Variants in THADA observed in about 807,000 individuals in gnomAD.
THADA encodes the protein THADA armadillo repeat containing.
THADA carries 213 observed loss-of-function variants against 219.8 expected under a neutral mutation model. That is an observed-to-expected ratio of 0.97 (90% CI 0.87 to 1.09). The LOEUF is 1.09. THADA is among the 50% of genes least tolerant of loss of function. The pLI is 0.00. For synonymous variants in THADA, 1,018 were observed against 828.9 expected (o/e 1.23, Z -3.92); for missense variants, 2,956 against 2,311.3 (o/e 1.28, Z -5.72).
chr2:43,297,759 T>C (rs1247280198), intron 31 of THADA, among the ~76,000 whole-genome samples: 1 of 100,370 alleles, frequency 1.0e-5, no homozygotes, highest in Non-Finnish European at 1.9e-5. Flanking sequence ...AGCCGCCCCG[T>C]CCGGGAGGGA....
chr2:43,353,632 C>G (rs745594425), intron 29 of THADA, among the ~76,000 whole-genome samples: 1 of 152,048 alleles, frequency 6.6e-6, no homozygotes, highest in African/African-American at 2.4e-5. Flanking sequence ...TTTTCCCAAT[C>G]TGTAGGTTGC....
chr2:43,304,506 A>G (rs1558550999), intron 31 of THADA, among the ~76,000 whole-genome samples: 1 of 152,238 alleles, frequency 6.6e-6, no homozygotes, highest in Admixed American at 6.5e-5. Flanking sequence ...TTCTGTCTGC[A>G]CTTGCACATG....
At chr2:43,564,020 T>G (rs1698384520) in intron 15 of THADA, 1 of 152,238 alleles carries the variant, frequency 6.6e-6, no homozygotes, top group South Asian at 2.1e-4. Flanking sequence ...TTAAATGTAT[T>G]AAATTACTCT....
chr2:43,259,977 G>A lies in THADA; in HGVS notation c.5296+19788C>T, dbSNP rs193055554. On this transcript the variant is annotated intron_variant, in intron 36 of 37. Coordinates refer to ENST00000405975, the MANE Select transcript of THADA (RefSeq NM_022065.5). ...TGTTCCTTCACAGCTCTCACCCCAG[G>A]TGACAGCAATCTTTTTTTTCTTTTG... is the stretch of plus-strand genomic sequence containing the variant. 2.8e-3 allele frequency among the ~76,000 whole-genome samples: 420 copies of A among 152,244 alleles called. 2 individuals are homozygous for A. Among genetic ancestry groups the A allele is most frequent in the Non-Finnish European group, 3.6e-3 (242 of 68,018 alleles).
At chr2:43,515,233 A>AT (rs1691441179) in intron 22 of THADA, among the ~76,000 whole-genome samples, 1 of 58,866 alleles carries the variant, frequency 1.7e-5, no homozygotes, top group African/African-American at 6.8e-5. Context: ...TATATAATAT[A>AT]TAATATATAA....
Position 43,292,969 on chromosome 2 carries a change from C to G in THADA, c.4683G>C (p.Leu1561=), listed in dbSNP as rs1240889821. 1 of 1,614,020 alleles carries G rather than the reference C, an allele frequency of 6.2e-7. No homozygotes were observed. Among genetic ancestry groups the G allele is most frequent in the Non-Finnish European group, 8.5e-7 (1 of 1,179,896 alleles). The change falls in exon 32 of 38, where the codon CTG becomes CTC. Residue 1561 remains leucine, a synonymous_variant. Coordinates refer to ENST00000405975, the MANE Select transcript of THADA (RefSeq NM_022065.5). ...CTAAGAACTTTTCCAAGAGGGCTTC[C>G]AGTGTTAGTGAGCGCACTTCAGGGA... ...SAFPEVRSLT[L]EALLEKFLAA...
chr2:43,292,284 T>A, intron 32 of THADA, 62 bp from the exon 33 acceptor site: 1 of 1,052,902 alleles, frequency 9.5e-7, no homozygotes, highest in Non-Finnish European at 1.4e-6. Context: ...TGTCTCTAGA[T>A]GTTACATGAT....
intron 13 of THADA, among the ~76,000 whole-genome samples, chr2:43,570,868 T>C (rs1171573196): frequency 1.3e-5 from 2 of 152,164 alleles, no homozygotes; most frequent in Non-Finnish European, 2.9e-5. Context: ...ACTATAAAAA[T>C]GCTGTTACCA....
intron 36 of THADA, among the ~76,000 whole-genome samples, chr2:43,243,806 A>T (rs1668856736): frequency 6.6e-6 from 1 of 152,330 alleles, no homozygotes; most frequent in African/African-American, 2.4e-5. Flanking sequence ...CCTTTTCTTC[A>T]TGCTTTAGCT....
intron 29 of THADA, among the ~76,000 whole-genome samples, chr2:43,350,571 C>T (rs995627384): frequency 6.6e-6 from 1 of 152,236 alleles, no homozygotes; most frequent in Non-Finnish European, 1.5e-5. Context: ...GCCATGCTTA[C>T]TGGGTATAAG....
At position 43,572,851 on chromosome 2, in the gene THADA, G is replaced by A; in HGVS notation, c.1871C>T (p.Ala624Val). Residue 624 changes from alanine (A) to valine (V), a missense_variant, in exon 12 of 38, where the codon GCA becomes GTA. By Grantham distance (64) the Ala-to-Val change is moderately conservative. Transcript: ENST00000405975. ...TDTWENLVSD[A>V]RIKQGLIHQH... ...ATGAATTAAGCCTTGCTTTATTCTT[G>A]CATCAGACACGAGGTTCTCCCAGGT... 6.2e-7 allele frequency: 1 copy of A among 1,613,684 alleles called. No homozygotes were observed. The highest frequency in any genetic ancestry group is 8.5e-7 in the Non-Finnish European group (1 of 1,179,790).
chr2:43,251,014 C>G (rs1257325958), intron 36 of THADA, among the ~76,000 whole-genome samples: 1 of 152,162 alleles, frequency 6.6e-6, no homozygotes, highest in African/African-American at 2.4e-5. Context: ...AGGCCTCCTT[C>G]CCTGTTTGCT....
At chr2:43,565,844 T>G (rs1166734530) in intron 15 of THADA, 1 of 152,836 alleles carries the variant, frequency 6.5e-6, no homozygotes, top group Non-Finnish European at 1.5e-5. Context: ...TCTCACCACT[T>G]TGGGAGGCCG....
At chr2:43,362,558 G>A (rs1008406168) in intron 29 of THADA, among the ~76,000 whole-genome samples, 2 of 152,182 alleles carry the variant, frequency 1.3e-5, no homozygotes, top group Non-Finnish European at 2.9e-5. Context: ...CATGAGTGGA[G>A]CTTGCAGGAC....
intron 27 of THADA, among the ~76,000 whole-genome samples, chr2:43,429,706 G>A (rs925822208): frequency 2.6e-5 from 4 of 151,458 alleles, no homozygotes; most frequent in African/African-American, 7.3e-5. Flanking sequence ...CCTAGTTTCT[G>A]TACCACCGAA....
intron 4 of THADA, among the ~76,000 whole-genome samples, chr2:43,588,876 T>C (rs1235327750): frequency 6.6e-6 from 1 of 152,070 alleles, no homozygotes; most frequent in East Asian, 1.9e-4. Context: ...ATCACTGCAA[T>C]GGGGAAGTGA....
intron 31 of THADA, among the ~76,000 whole-genome samples, chr2:43,299,548 G>A (rs1343421888): frequency 6.6e-6 from 1 of 152,032 alleles, no homozygotes; most frequent in Non-Finnish European, 1.5e-5. Flanking sequence ...TGTAATCCCA[G>A]CTACTCAGGA....
chr2:43,458,997 G>A (rs1431976383), intron 26 of THADA, among the ~76,000 whole-genome samples: 1 of 152,108 alleles, frequency 6.6e-6, no homozygotes, highest in Non-Finnish European at 1.5e-5. Flanking sequence ...GGTACCACTT[G>A]TCTTGTCTAC....
chr2:43,417,889 G>A (rs886908281), intron 28 of THADA, among the ~76,000 whole-genome samples: 1 of 152,152 alleles, frequency 6.6e-6, no homozygotes, highest in Non-Finnish European at 1.5e-5. Flanking sequence ...GGATAGTAAC[G>A]ACAATGACTT....
Sources: allele counts gnomAD v4.1 joint callset (sites outside exome capture counted in the v4.1 genomes callset), GRCh38; gene constraint gnomAD v4.1.1; transcripts MANE v1.5; gene names NCBI Gene and HGNC (gene_info 2026-07-23, HGNC 2026-07-21).